Variants in PSD3 observed in about 807,000 individuals in gnomAD.
PSD3 encodes PH and SEC7 domain-containing protein 3.
Under a neutral mutation model 105.5 loss-of-function variants are expected in PSD3, and 49 were observed. The ratio of observed to expected loss-of-function variants is 0.46; its 90% confidence interval spans 0.37 to 0.59. The LOEUF is 0.59. Among genes scored for constraint, PSD3 ranks in the 20% least tolerant of loss-of-function variants. The pLI is 0.00. For missense variants in PSD3, 1,561 were observed against 1,263.8 expected, an observed-to-expected ratio of 1.24 and a Z score of -3.57; for synonymous variants, 557 against 457.8, an observed-to-expected ratio of 1.22 and a Z score of -2.77.
chr8:18,971,433 G>C (rs1430692023), intron 1 of PSD3, among the ~76,000 whole-genome samples: 2 of 152,140 alleles, frequency 1.3e-5, no homozygotes, highest in Non-Finnish European at 2.9e-5. Flanking sequence ...CCATCAACTG[G>C]CCTAGCTGGC....
chr8:18,697,556 T>C (rs79798730), intron 9 of PSD3, among the ~76,000 whole-genome samples: 5,798 of 152,238 alleles, frequency 0.038, 527 homozygotes, highest in East Asian at 0.21. Flanking sequence ...TTGGGAACAT[T>C]TTATATTCTA....
At chr8:18,763,249 C>A (rs1806690392) in intron 9 of PSD3, among the ~76,000 whole-genome samples, 1 of 152,094 alleles carries the variant, frequency 6.6e-6, no homozygotes, top group Non-Finnish European at 1.5e-5. Context: ...TTGAATCTAG[C>A]AGTTTCTATA....
At chr8:18,601,833 C>G (rs2717737) in intron 11 of PSD3, among the ~76,000 whole-genome samples, 1 of 152,144 alleles carries the variant, frequency 6.6e-6, no homozygotes. Flanking sequence ...ATGAGCACTG[C>G]GCACACAGAA....
chr8:18,797,586 A>T (rs1258054813), intron 8 of PSD3, among the ~76,000 whole-genome samples: 2 of 152,196 alleles, frequency 1.3e-5, no homozygotes, highest in Middle Eastern at 3.2e-3. Flanking sequence ...ATATCTAATA[A>T]AAAATAACAT....
At chr8:18,751,175 G>C (rs1056418176) in intron 9 of PSD3, among the ~76,000 whole-genome samples, 1 of 152,134 alleles carries the variant, frequency 6.6e-6, no homozygotes, top group Non-Finnish European at 1.5e-5. Flanking sequence ...TGCAGGTCCC[G>C]AGCCCTGCCC....
intron 2 of PSD3, among the ~76,000 whole-genome samples, chr8:18,931,739 G>C (rs766058703): frequency 3.3e-5 from 5 of 152,172 alleles, no homozygotes; most frequent in Non-Finnish European, 7.3e-5. Flanking sequence ...TAGTCATCAG[G>C]TACCTTCTCC....
At chr8:18,779,442 C>T (rs58924748) in intron 8 of PSD3, among the ~76,000 whole-genome samples, 5 of 149,268 alleles carry the variant, frequency 3.3e-5, no homozygotes, top group Non-Finnish European at 7.4e-5. Flanking sequence ...TTTTTCACCT[C>T]TAATTTAGTT....
upstream of PSD3, among the ~76,000 whole-genome samples, chr8:19,015,887 C>G (rs1827164663): frequency 6.6e-6 from 1 of 152,158 alleles, no homozygotes; most frequent in South Asian, 2.1e-4. Context: ...GGTTTTATCC[C>G]TGAAGCCAAA....
At chr8:18,841,564 C>A (rs1425812236) in intron 4 of PSD3, among the ~76,000 whole-genome samples, 1 of 152,076 alleles carries the variant, frequency 6.6e-6, no homozygotes, top group East Asian at 1.9e-4. Context: ...TGTGGAAGAG[C>A]AGGCATTGTT....
intron 10 of PSD3, among the ~76,000 whole-genome samples, chr8:18,647,555 T>C (rs926750237): frequency 2.0e-5 from 3 of 149,600 alleles, no homozygotes; most frequent in Admixed American, 6.7e-5. Context: ...AACTAAAACA[T>C]GGAGGGTGCA....
At chr8:18,788,489 C>A (rs938733916) in intron 8 of PSD3, among the ~76,000 whole-genome samples, 1 of 152,176 alleles carries the variant, frequency 6.6e-6, no homozygotes, top group African/African-American at 2.4e-5. Context: ...CCTAGGAGAG[C>A]TGCGAATAGG....
upstream of PSD3, among the ~76,000 whole-genome samples, chr8:19,017,359 C>G (rs916597673): frequency 6.6e-6 from 1 of 152,160 alleles, no homozygotes; most frequent in African/African-American, 2.4e-5. Context: ...TGGCTACATA[C>G]TCTTGATAAT....
intron 9 of PSD3, among the ~76,000 whole-genome samples, chr8:18,657,621 A>T (rs974249584): frequency 5.3e-5 from 8 of 152,020 alleles, no homozygotes; most frequent in African/African-American, 1.7e-4. Context: ...GATATAGTTA[A>T]TGTATCAGGA....
intron 9 of PSD3, among the ~76,000 whole-genome samples, chr8:18,700,247 T>G (rs1035865075): frequency 1.9e-4 from 29 of 152,202 alleles, no homozygotes; most frequent in African/African-American, 7.0e-4. Flanking sequence ...AAAACAGACC[T>G]CCTAATCACT....
intron 12 of PSD3, among the ~76,000 whole-genome samples, chr8:18,593,391 C>T (rs1489271730): frequency 6.6e-6 from 1 of 152,188 alleles, no homozygotes; most frequent in Non-Finnish European, 1.5e-5. Context: ...CATCACTGGC[C>T]ATCACAGAAA....
At chr8:19,013,170 TGTTTA>T (rs1004252023) in intron 1 of PSD3, among the ~76,000 whole-genome samples, 2 of 152,082 alleles carry the variant, frequency 1.3e-5, no homozygotes, top group African/African-American at 2.4e-5. Context: ...AATTCAAGTT[TGTTTA>T]GTTTAGTCTT....
intron 4 of PSD3, among the ~76,000 whole-genome samples, chr8:18,841,568 C>A (rs1392135933): frequency 2.0e-5 from 3 of 152,046 alleles, no homozygotes; most frequent in Non-Finnish European, 4.4e-5. Context: ...GAAGAGCAGG[C>A]ATTGTTTGAA....
intron 1 of PSD3, among the ~76,000 whole-genome samples, chr8:19,041,684 G>A (rs1319999404): frequency 6.6e-6 from 1 of 152,152 alleles, no homozygotes; most frequent in East Asian, 1.9e-4. Flanking sequence ...ATTGGACTAC[G>A]CCCAGGCAGC....
At chr8:18,568,183 G>A (rs1348063992) in intron 14 of PSD3, among the ~76,000 whole-genome samples, 1 of 152,052 alleles carries the variant, frequency 6.6e-6, no homozygotes, top group Admixed American at 6.6e-5. Context: ...AAATGACCCA[G>A]GCTCTAGTAT....
Sources: gnomAD v4.1 joint callset for allele counts (sites outside exome capture counted in the v4.1 genomes callset) on GRCh38, gnomAD v4.1.1 for gene constraint, MANE v1.5 for transcripts, NCBI Gene and HGNC (gene_info 2026-07-23, HGNC 2026-07-21) for gene names.